KCNK9: variants seen among roughly 807,000 people sequenced by gnomAD.
KCNK9 encodes potassium channel subfamily K member 9.
Under a neutral mutation model 10.8 loss-of-function variants are expected in KCNK9, and 1 was observed. The ratio of observed to expected loss-of-function variants is 0.09; its 90% confidence interval spans 0.03 to 0.44. The LOEUF (loss-of-function observed/expected upper bound fraction) is 0.44. Among genes scored for constraint, KCNK9 ranks in the 20% least tolerant of loss-of-function variants. The pLI is 0.97. For synonymous variants in KCNK9, 231 were observed against 222.7 expected, an observed-to-expected ratio of 1.04 and a Z score of -0.33; for missense variants, 303 against 515.0, an observed-to-expected ratio of 0.59 and a Z score of 3.98.
rs187700725 is a variant in KCNK9, at chr8:139,661,012, A to C, written c.283+41698T>G. On this transcript the variant is annotated intron_variant, in intron 1 of 1. Transcript: ENST00000520439. ...GACAGAAAAGCAGTGAAAATGCCCAACTCAAAATAACTTTCCTGAGGCCCC... is the reference window on the plus strand; with the variant it reads ...GACAGAAAAGCAGTGAAAATGCCCACCTCAAAATAACTTTCCTGAGGCCCC... 2.5e-3 allele frequency among the ~76,000 whole-genome samples: 386 copies of C among 152,318 alleles called. 1 individual carries two copies. The highest frequency in any genetic ancestry group is 8.7e-3 in the African/African-American group (363 of 41,568).
At chr8:139,660,300 T>C (rs980137737) in intron 1 of KCNK9, among the ~76,000 whole-genome samples, 1 of 152,024 alleles carries the variant, frequency 6.6e-6, no homozygotes, top group Non-Finnish European at 1.5e-5. Context: ...GGCTCCTCCA[T>C]ACGATGCATT....
chr8:139,630,818 T>TC (rs1279814284), intron 1 of KCNK9, among the ~76,000 whole-genome samples: 1 of 152,036 alleles, frequency 6.6e-6, no homozygotes, highest in Non-Finnish European at 1.5e-5. Context: ...CCCTTCTCAG[T>TC]CCCCCAGAAT....
At chr8:139,625,792 T>C (rs1159565636) in intron 1 of KCNK9, among the ~76,000 whole-genome samples, 3 of 148,952 alleles carry the variant, frequency 2.0e-5, no homozygotes, top group Non-Finnish European at 3.0e-5. Flanking sequence ...ACAAGGAAAA[T>C]AAAACTAATC....
chr8:139,700,512 GCGCGCGCGCACACACACACACACACA>G (rs933749129), intron 1 of KCNK9, among the ~76,000 whole-genome samples: 1 of 127,838 alleles, frequency 7.8e-6, no homozygotes, highest in Non-Finnish European at 1.6e-5. Context: ...ACACACACGC[GCGCGCGCGCACACACACACACACACA>G]CGCGCGCACA....
chr8:139,621,071 C>T lies in KCNK9; in HGVS notation c.284-1972G>A, dbSNP rs188420974. Among the ~76,000 whole-genome samples, 10 of 152,152 alleles carry T rather than the reference C, an allele frequency of 6.6e-5. No individual in the cohort carries two copies. In the East Asian group the frequency reaches 1.9e-3, roughly 29 times the overall value. On this transcript the variant is annotated intron_variant, in intron 1 of 1. Coordinates refer to ENST00000520439, the MANE Select transcript of KCNK9 (RefSeq NM_001282534.2). Reference sequence around the variant, plus strand: ...GCCAAGGCAGATGGATCACTTGAGGCCAGGAGTTTGAGACCAGCCTGGCCA... The same window carrying T: ...GCCAAGGCAGATGGATCACTTGAGGTCAGGAGTTTGAGACCAGCCTGGCCA...
intron 1 of KCNK9, among the ~76,000 whole-genome samples, chr8:139,687,761 A>C (rs1816852823): frequency 6.6e-6 from 1 of 150,454 alleles, no homozygotes; most frequent in Non-Finnish European, 1.5e-5. Flanking sequence ...ATGAATACTC[A>C]AGCTTCAGCA....
chr8:139,686,458 T>C (rs1337419375), intron 1 of KCNK9, among the ~76,000 whole-genome samples: 2 of 152,206 alleles, frequency 1.3e-5, no homozygotes, highest in African/African-American at 2.4e-5. Flanking sequence ...GCAAAGGATA[T>C]GAACAGACAC....
intron 1 of KCNK9, among the ~76,000 whole-genome samples, chr8:139,649,951 C>A (rs1489755616): frequency 6.6e-6 from 1 of 152,172 alleles, no homozygotes; most frequent in South Asian, 2.1e-4. Flanking sequence ...GTGGGAGGGA[C>A]ACCAAGGGAA....
chr8:139,678,961 C>G (rs1157644342), intron 1 of KCNK9, among the ~76,000 whole-genome samples: 3 of 152,252 alleles, frequency 2.0e-5, no homozygotes, highest in Non-Finnish European at 4.4e-5. Context: ...TGGGCCTGCC[C>G]TGGCTGAAAG....
chr8:139,699,661 C>T (rs1817151702), intron 1 of KCNK9, among the ~76,000 whole-genome samples: 1 of 152,224 alleles, frequency 6.6e-6, no homozygotes, highest in Non-Finnish European at 1.5e-5. Flanking sequence ...TCCCGTTCTT[C>T]CCTGGTTATG....
chr8:139,683,557 C>T (rs758981583), intron 1 of KCNK9, among the ~76,000 whole-genome samples: 1 of 152,242 alleles, frequency 6.6e-6, no homozygotes, highest in Non-Finnish European at 1.5e-5. Context: ...GGCTTACTCA[C>T]GCATGGGGAG....
intron 1 of KCNK9, among the ~76,000 whole-genome samples, chr8:139,635,983 C>T (rs1341057833): frequency 2.0e-5 from 3 of 152,156 alleles, no homozygotes; most frequent in Non-Finnish European, 4.4e-5. Flanking sequence ...ATGTCTTCAC[C>T]TTAACAGGCT....
At chr8:139,683,647 G>A (rs1187572357) in intron 1 of KCNK9, among the ~76,000 whole-genome samples, 4 of 152,212 alleles carry the variant, frequency 2.6e-5, no homozygotes, top group Non-Finnish European at 2.9e-5. Flanking sequence ...TCCAGGACAC[G>A]TGGTAGCTGA....
downstream of KCNK9, among the ~76,000 whole-genome samples, chr8:139,614,967 T>TAA (rs1202086159): frequency 6.6e-6 from 1 of 152,218 alleles, no homozygotes; most frequent in East Asian, 1.9e-4. Context: ...GAGCTCATTC[T>TAA]AACAGAAGTT....
intron 1 of KCNK9, among the ~76,000 whole-genome samples, chr8:139,696,194 G>A (rs1422676186): frequency 6.6e-6 from 1 of 152,040 alleles, no homozygotes; most frequent in African/African-American, 2.4e-5. Flanking sequence ...TTCATTATGT[G>A]TTACATAATG....
intron 1 of KCNK9, among the ~76,000 whole-genome samples, chr8:139,643,987 G>A (rs1460437579): frequency 6.6e-6 from 1 of 152,202 alleles, no homozygotes; most frequent in Non-Finnish European, 1.5e-5. Flanking sequence ...TGAAGGCGGT[G>A]ATTGTGGTCC....
Position 139,702,602 on chromosome 8 carries a change from G to A in KCNK9, c.283+108C>T. On this transcript the variant is annotated intron_variant, in intron 1 of 1. Coordinates refer to ENST00000520439, the MANE Select transcript of KCNK9 (RefSeq NM_001282534.2). The surrounding 1 kb of genome is among the most constrained non-coding windows in gnomAD (Gnocchi z 7.5). ...CGCTGCGGGAAGGCCCCCAAGGGAG[G>A]CTGCGTTTAACCCTCGACGCCCTGC... is the stretch of plus-strand genomic sequence containing the variant. 4 of 1,159,812 alleles carry A rather than the reference G, an allele frequency of 3.4e-6. No individual in the cohort carries two copies. Among genetic ancestry groups the A allele is most frequent in the Middle Eastern group, 2.9e-4 (1 of 3,416 alleles). The allele number at this position is 1,159,812 out of a possible 1,614,324, so 71.8% of individuals were successfully genotyped here.
intron 1 of KCNK9, among the ~76,000 whole-genome samples, chr8:139,679,738 G>A (rs1012648914): frequency 6.6e-6 from 1 of 152,148 alleles, no homozygotes; most frequent in Non-Finnish European, 1.5e-5. Context: ...CTACCTTCAC[G>A]GAAGGAGAAG....
chr8:139,646,305 A>G (rs1038980036), intron 1 of KCNK9, among the ~76,000 whole-genome samples: 1 of 152,196 alleles, frequency 6.6e-6, no homozygotes, highest in African/African-American at 2.4e-5. Context: ...CCCAACACCA[A>G]CAACGGACAC....
Sources: allele counts gnomAD v4.1 joint callset (sites outside exome capture counted in the v4.1 genomes callset), GRCh38; gene constraint gnomAD v4.1.1; non-coding constraint Gnocchi (gnomAD v3.1); transcripts MANE v1.5; gene names NCBI Gene and HGNC (gene_info 2026-07-23, HGNC 2026-07-21).